Variants in PRR5 observed in about 807,000 individuals in gnomAD.
The protein encoded by PRR5 is proline-rich protein 5.
Under a neutral mutation model 30.6 loss-of-function variants are expected in PRR5, and 25 were observed. That is an observed-to-expected ratio of 0.82 (90% CI 0.60 to 1.14). PRR5 has a LOEUF of 1.14. Among genes scored for constraint, PRR5 ranks in the 50% most tolerant of loss-of-function variants. The probability of loss-of-function intolerance (pLI) is 0.00; values close to 1 mark genes in which losing one functional copy is unlikely to be tolerated. For synonymous variants in PRR5, 286 were observed against 247.1 expected (o/e 1.16, Z -1.48); for missense variants, 600 against 547.1 (o/e 1.10, Z -0.96).
Position 44,702,217 on chromosome 22 carries a change from G to C in PRR5, c.-258G>C, listed in dbSNP as rs1454338563. 2.7e-6 allele frequency: 3 copies of C among 1,097,238 alleles called. No homozygotes were observed. The highest frequency in any genetic ancestry group is 3.3e-6 in the Non-Finnish European group (3 of 900,168). The allele number at this position is 1,097,238 out of a possible 1,614,324, so 68.0% of individuals were successfully genotyped here. A position where few individuals can be genotyped will look rare whatever the true frequency, so the allele number is the denominator to read the frequency against. The stretch of plus-strand genomic sequence containing the variant: ...GGGTCCGCCCCCGGCCTCCGTTTGC[G>C]CCGGGTCTGTGCTGGCCGCGCGCCT... On this transcript the variant is annotated 5_prime_UTR_variant, in exon 1 of 8. Coordinates refer to ENST00000336985, the MANE Select transcript of PRR5 (RefSeq NM_181333.4).
chr22:44,681,128 C>T (rs1924244037), intron 1 of PRR5, among the ~76,000 whole-genome samples: 1 of 152,234 alleles, frequency 6.6e-6, no homozygotes, highest in South Asian at 2.1e-4. Flanking sequence ...TCCTCCTCTC[C>T]TGGCCTCTGT....
At chr22:44,711,190 T>C (rs917574260) in intron 1 of PRR5, among the ~76,000 whole-genome samples, 8 of 152,296 alleles carry the variant, frequency 5.3e-5, no homozygotes, top group African/African-American at 1.9e-4. Context: ...GGCTTTGCTC[T>C]GTGCGGCCAG....
chr22:44,728,349 T>C (rs1003854185), intron 4 of PRR5, among the ~76,000 whole-genome samples: 22 of 152,242 alleles, frequency 1.4e-4, no homozygotes, highest in African/African-American at 4.8e-4. Context: ...GAACAGGCTC[T>C]GTCCACTTGA....
At chr22:44,678,617 C>T (rs1467079883) in intron 1 of PRR5, among the ~76,000 whole-genome samples, 1 of 152,130 alleles carries the variant, frequency 6.6e-6, no homozygotes, top group Non-Finnish European at 1.5e-5. Flanking sequence ...GCCCTGCCTG[C>T]TAGTTCTTTA....
At chr22:44,716,028 A>G (rs992169581) in intron 2 of PRR5, among the ~76,000 whole-genome samples, 1 of 152,170 alleles carries the variant, frequency 6.6e-6, no homozygotes, top group Non-Finnish European at 1.5e-5. Context: ...CCAGCTTTGG[A>G]CATCCTTCTC....
At chr22:44,709,184 G>T (rs996858248) in intron 1 of PRR5, among the ~76,000 whole-genome samples, 5 of 151,828 alleles carry the variant, frequency 3.3e-5, no homozygotes, top group Non-Finnish European at 7.4e-5. Flanking sequence ...ACCCCTGCTT[G>T]TGGCTCCCCA....
intron 1 of PRR5, chr22:44,679,843 G>A: frequency 1.3e-6 from 2 of 1,599,228 alleles, no homozygotes; most frequent in Non-Finnish European, 1.7e-6. Context: ...TGGGGCTCGG[G>A]AAGCCCGGAA....
intron 4 of PRR5, among the ~76,000 whole-genome samples, chr22:44,728,882 C>T (rs1029824840): frequency 1.3e-5 from 2 of 152,192 alleles, no homozygotes; most frequent in Non-Finnish European, 1.5e-5. Context: ...TGGGCAGAGC[C>T]GGTCCTGGAA....
At chr22:44,713,518 C>T (rs971678174) in intron 1 of PRR5, among the ~76,000 whole-genome samples, 1 of 152,192 alleles carries the variant, frequency 6.6e-6, no homozygotes, top group African/African-American at 2.4e-5. Flanking sequence ...CAGGAGTGAG[C>T]CAGCGCACCT....
chr22:44,725,596 G>T (rs1363419772), intron 3 of PRR5, among the ~76,000 whole-genome samples: 1 of 152,118 alleles, frequency 6.6e-6, no homozygotes, highest in African/African-American at 2.4e-5. Flanking sequence ...TTAGCCTCCT[G>T]ATTAGCTGGG....
chr22:44,734,812 CGACG>C, intron 6 of PRR5: 1 of 643,344 alleles, frequency 1.6e-6, no homozygotes, highest in Non-Finnish European at 2.6e-6. Flanking sequence ...TCCCAGATCC[CGACG>C]CTGCTGTGAG....
chr22:44,711,860 A>G (rs1444959886), intron 1 of PRR5, among the ~76,000 whole-genome samples: 1 of 152,104 alleles, frequency 6.6e-6, no homozygotes, highest in Non-Finnish European at 1.5e-5. Context: ...ACTGCCTCCA[A>G]CCCACCCCAA....
intron 4 of PRR5, among the ~76,000 whole-genome samples, chr22:44,727,819 G>C (rs1249173723): frequency 1.3e-5 from 2 of 152,204 alleles, no homozygotes; most frequent in African/African-American, 2.4e-5. Context: ...AACATGTTGG[G>C]TGGGGCCAGC....
chr22:44,678,902 C>T (rs993955345), intron 1 of PRR5, among the ~76,000 whole-genome samples: 1 of 152,188 alleles, frequency 6.6e-6, no homozygotes, highest in Non-Finnish European at 1.5e-5. Context: ...ATTGAGAGCA[C>T]GAGTGAGCGA....
chr22:44,707,981 T>C (rs754260686), intron 1 of PRR5, among the ~76,000 whole-genome samples: 5 of 152,102 alleles, frequency 3.3e-5, no homozygotes, highest in Admixed American at 6.6e-5. Context: ...ATGATTCGCT[T>C]CTCACTCACT....
intron 4 of PRR5, chr22:44,730,524 C>G (rs546435994): frequency 3.0e-6 from 3 of 989,982 alleles, no homozygotes; most frequent in Non-Finnish European, 3.6e-6. Context: ...GGGTCACTCA[C>G]CTGGTGCATG....
chr22:44,727,154 TCA>T (rs1412059889), intron 4 of PRR5, among the ~76,000 whole-genome samples: 3 of 144,594 alleles, frequency 2.1e-5, no homozygotes, highest in African/African-American at 5.2e-5. Flanking sequence ...ACAGTGCACA[TCA>T]GGGGTGGGGG....
rs1052229038 is a variant in PRR5 at position 44,702,788 on chromosome 22, C to T, written c.134+180C>T. On this transcript the variant is annotated intron_variant, in intron 1 of 7. Coordinates refer to ENST00000336985, the MANE Select transcript of PRR5 (RefSeq NM_181333.4). ...TGCGGGCCTGGAGGAAAGTTCAGTG[C>T]AGCGTGGTTCCAGAACCCAGGGAAG... is the stretch of plus-strand genomic sequence containing the variant. Among the ~76,000 whole-genome samples, 10 of 152,268 alleles carry T rather than the reference C, an allele frequency of 6.6e-5. No homozygotes were observed. The East Asian group carries it at 1.6e-3, about 24-fold the overall frequency.
intron 6 of PRR5, 176 bp from the exon 7 acceptor site, chr22:44,734,851 C>G: frequency 1.2e-6 from 1 of 804,834 alleles, no homozygotes; most frequent in Middle Eastern, 3.2e-4. Flanking sequence ...AGGCCACATG[C>G]TCTGAGAGGG....
Sources: allele counts gnomAD v4.1 joint callset (sites outside exome capture counted in the v4.1 genomes callset), GRCh38; gene constraint gnomAD v4.1.1; transcripts MANE v1.5; gene names NCBI Gene and HGNC (gene_info 2026-07-23, HGNC 2026-07-21).